Variants in SRGAP3 observed in about 807,000 individuals in gnomAD.
SRGAP3 encodes SLIT-ROBO Rho GTPase activating protein 3.
In SRGAP3, 39 loss-of-function variants were observed where a neutral mutation model predicts 121.1. The observed-to-expected ratio is 0.32, with a 90% confidence interval of 0.25 to 0.42. The LOEUF (loss-of-function observed/expected upper bound fraction) is 0.42. Ranked by LOEUF, SRGAP3 falls within the 10% of genes least tolerant of loss-of-function variation. The pLI is 1.00. For missense variants in SRGAP3, 1,213 were observed against 1,470.6 expected, an observed-to-expected ratio of 0.82 and a Z score of 2.86; for synonymous variants, 601 against 570.0, an observed-to-expected ratio of 1.05 and a Z score of -0.77.
Position 9,181,551 on chromosome 3 carries a change from G to A in SRGAP3, c.68-56634C>T, listed in dbSNP as rs530067573. On this transcript the variant is annotated intron_variant, in intron 1 of 21. Coordinates refer to ENST00000383836, the MANE Select transcript of SRGAP3 (RefSeq NM_014850.4). ...AGAATCAAATTCCTTGCAGTTGTAGGACTGAGGTTTCCTGGCTAGCTGCCC... is the reference window on the plus strand; with the variant it reads ...AGAATCAAATTCCTTGCAGTTGTAGAACTGAGGTTTCCTGGCTAGCTGCCC... Among the ~76,000 whole-genome samples, 3 of 152,272 alleles carry A rather than the reference G, an allele frequency of 2.0e-5. No individual in the cohort carries two copies. The East Asian group carries it at 5.8e-4, about 29-fold the overall frequency.
At chr3:9,131,596 C>T (rs1949450591) in intron 1 of SRGAP3, among the ~76,000 whole-genome samples, 3 of 151,884 alleles carry the variant, frequency 2.0e-5, no homozygotes, top group East Asian at 3.9e-4. Context: ...CACACCACCA[C>T]GCCCAGCTAA....
intron 3 of SRGAP3, among the ~76,000 whole-genome samples, chr3:9,323,963 C>G (rs180672016): frequency 1.3e-5 from 2 of 151,798 alleles, no homozygotes; most frequent in Admixed American, 1.3e-4. Flanking sequence ...ACAACAGATT[C>G]ACAAAGACTC....
intron 18 of SRGAP3, among the ~76,000 whole-genome samples, chr3:9,005,687 A>C (rs976260039): frequency 6.6e-6 from 1 of 152,232 alleles, no homozygotes; most frequent in Admixed American, 6.5e-5. Context: ...CCATTTATAT[A>C]AAATGTCCAG....
chr3:9,001,295 C>A (rs1942752525), intron 18 of SRGAP3, among the ~76,000 whole-genome samples: 1 of 152,176 alleles, frequency 6.6e-6, no homozygotes, highest in Non-Finnish European at 1.5e-5. Context: ...ATACTGCTTA[C>A]CCGGATCTAA....
intron 1 of SRGAP3, chr3:9,348,475 T>C (rs2125293428): frequency 4.2e-6 from 3 of 709,124 alleles, no homozygotes; most frequent in Admixed American, 1.8e-5. Context: ...TGATCCAGCA[T>C]GGCGAGAGCA....
At chr3:9,340,637 T>C (rs1955770024) in intron 1 of SRGAP3, among the ~76,000 whole-genome samples, 1 of 151,978 alleles carries the variant, frequency 6.6e-6, no homozygotes, top group African/African-American at 2.4e-5. Context: ...GTCCATCATA[T>C]GCTCTGGGAA....
intron 1 of SRGAP3, among the ~76,000 whole-genome samples, chr3:9,175,462 T>C (rs1183381075): frequency 2.0e-5 from 3 of 152,232 alleles, no homozygotes; most frequent in Non-Finnish European, 2.9e-5. Context: ...GAACTCATCA[T>C]GAACATGACA....
rs1945820957 is a variant in SRGAP3 at position 9,056,323 on chromosome 3, G to A, written c.1035C>T (p.Val345=). ...QPHMGDEVCQ[V]SAQQPVQTEL... is the part of the protein sequence containing the mutation. ...CTGTCTGGACGGGCTGCTGAGCGCT[G>A]ACCTGGCAGACCTGCAGGAATAACA... Residue 345 remains valine (V), a synonymous_variant, in exon 8 of 22, where the codon GTC becomes GTT. Coordinates refer to ENST00000383836, the MANE Select transcript of SRGAP3 (RefSeq NM_014850.4). 1.9e-6 allele frequency: 3 copies of A among 1,612,714 alleles called. No homozygotes were observed. The highest frequency in any genetic ancestry group is 2.7e-5 in the African/African-American group (2 of 74,920).
intron 3 of SRGAP3, among the ~76,000 whole-genome samples, chr3:9,263,533 C>T (rs866825966): frequency 1.3e-4 from 19 of 151,852 alleles, no homozygotes; most frequent in Admixed American, 7.9e-4. Flanking sequence ...AAAATGATAA[C>T]GGGGATATCA....
intron 3 of SRGAP3, among the ~76,000 whole-genome samples, chr3:9,313,593 C>T (rs946734894): frequency 6.6e-6 from 1 of 151,930 alleles, no homozygotes; most frequent in African/African-American, 2.4e-5. Context: ...AGGAGAATTG[C>T]TTGAACCTGG....
At chr3:9,212,315 C>T (rs1952474171) in intron 1 of SRGAP3, among the ~76,000 whole-genome samples, 1 of 152,152 alleles carries the variant, frequency 6.6e-6, no homozygotes, top group Admixed American at 6.5e-5. Flanking sequence ...CATTGTTTCC[C>T]AACCCCAAGA....
chr3:9,200,298 G>A (rs547316795), intron 1 of SRGAP3, among the ~76,000 whole-genome samples: 2 of 152,186 alleles, frequency 1.3e-5, no homozygotes, highest in Non-Finnish European at 2.9e-5. Context: ...CCTATATACA[G>A]TAAGAATATG....
intron 3 of SRGAP3, among the ~76,000 whole-genome samples, chr3:9,307,641 T>C (rs954760461): frequency 1.3e-5 from 2 of 152,188 alleles, no homozygotes; most frequent in East Asian, 1.9e-4. Context: ...TGTATGTCCA[T>C]GATGAAAGCT....
At chr3:9,059,220 T>C in intron 6 of SRGAP3, 1 of 152,292 alleles carries the variant, frequency 6.6e-6, no homozygotes, top group Non-Finnish European at 1.5e-5. Flanking sequence ...CCTATCAACA[T>C]GTCCTTGGCG....
intron 2 of SRGAP3, among the ~76,000 whole-genome samples, chr3:9,121,203 C>T (rs1175134409): frequency 6.6e-6 from 1 of 152,204 alleles, no homozygotes; most frequent in Non-Finnish European, 1.5e-5. Flanking sequence ...TGCACACGCA[C>T]CCCAGCTCTG....
intron 1 of SRGAP3, among the ~76,000 whole-genome samples, chr3:9,228,806 T>C (rs1953086448): frequency 6.6e-6 from 1 of 151,824 alleles, no homozygotes; most frequent in African/African-American, 2.4e-5. Flanking sequence ...CTCACGCCTG[T>C]AATCCCAGCA....
chr3:9,128,600 A>G (rs1369247139), intron 1 of SRGAP3, among the ~76,000 whole-genome samples: 2 of 152,258 alleles, frequency 1.3e-5, no homozygotes, highest in African/African-American at 2.4e-5. Context: ...TGATGGATAC[A>G]TACACAAAAG....
At chr3:8,989,359 G>A (rs996677445) in intron 21 of SRGAP3, among the ~76,000 whole-genome samples, 5 of 152,214 alleles carry the variant, frequency 3.3e-5, no homozygotes, top group African/African-American at 7.2e-5. Context: ...CCTGGGAATG[G>A]GCATGGGGCC....
intron 3 of SRGAP3, among the ~76,000 whole-genome samples, chr3:9,277,247 G>A (rs1358416300): frequency 1.3e-5 from 2 of 152,096 alleles, no homozygotes; most frequent in Non-Finnish European, 2.9e-5. Flanking sequence ...TTACAGAAGA[G>A]GAAATAAGAG....
Sources: gnomAD v4.1 joint callset for allele counts (sites outside exome capture counted in the v4.1 genomes callset) on GRCh38, gnomAD v4.1.1 for gene constraint, MANE v1.5 for transcripts, NCBI Gene and HGNC (gene_info 2026-07-23, HGNC 2026-07-21) for gene names.